POU2F3: variants seen among roughly 807,000 people sequenced by gnomAD.
POU2F3 encodes POU class 2 homeobox 3, also known as POU domain, class 2, transcription factor 3.
In POU2F3, 23 loss-of-function variants were observed where a neutral mutation model predicts 59.2. The ratio of observed to expected loss-of-function variants is 0.39; its 90% CI spans 0.28 to 0.55. POU2F3 has a LOEUF of 0.55. Ranked by LOEUF, POU2F3 falls within the 20% of genes least tolerant of loss-of-function variation. The pLI is 0.66. For missense variants in POU2F3, 473 were observed against 544.5 expected (o/e 0.87, Z 1.31); for synonymous variants, 190 against 214.6 (o/e 0.89, Z 1.00).
chr11:120,305,558 G>T, intron 7 of POU2F3, 86 bp from the exon 8 acceptor site: 1 of 1,539,110 alleles, frequency 6.5e-7, no homozygotes, highest in Non-Finnish European at 8.8e-7. Flanking sequence ...CTGGCTGTGT[G>T]ATCGATGCTA....
upstream of POU2F3, among the ~76,000 whole-genome samples, chr11:120,239,560 G>A (rs1392478914): frequency 1.3e-5 from 2 of 152,194 alleles, no homozygotes; most frequent in African/African-American, 2.4e-5. Context: ...TGGAAACTCT[G>A]CTAATAATAA....
intron 10 of POU2F3, among the ~76,000 whole-genome samples, chr11:120,314,564 A>G (rs1941733466): frequency 6.6e-6 from 1 of 152,228 alleles, no homozygotes; most frequent in Admixed American, 6.5e-5. Flanking sequence ...CTGCTATTTT[A>G]CAGATGAGAA....
At chr11:120,291,669 G>T (rs895107937) in intron 3 of POU2F3, among the ~76,000 whole-genome samples, 2 of 152,168 alleles carry the variant, frequency 1.3e-5, no homozygotes, top group East Asian at 3.8e-4. Flanking sequence ...TACCAGCAGT[G>T]TGGCTTTATG....
chr11:120,312,279 ACACC>A (rs1397519554), intron 10 of POU2F3, among the ~76,000 whole-genome samples: 4 of 151,886 alleles, frequency 2.6e-5, no homozygotes, highest in African/African-American at 9.7e-5. Flanking sequence ...ACCCACCATC[ACACC>A]TGGCTAATTT....
At chr11:120,298,803 G>A (rs184439936) in intron 4 of POU2F3, among the ~76,000 whole-genome samples, 100 of 152,292 alleles carry the variant, frequency 6.6e-4, no homozygotes, top group African/African-American at 2.0e-3. Flanking sequence ...AGAAAGAGGC[G>A]TCTGAGATAG....
chr11:120,308,140 C>T (rs950054281), intron 9 of POU2F3, among the ~76,000 whole-genome samples: 4 of 152,326 alleles, frequency 2.6e-5, no homozygotes, highest in Admixed American at 1.3e-4. Flanking sequence ...CATTTAGATA[C>T]TTGTGATCGT....
chr11:120,238,735 G>C (rs868103319), upstream of POU2F3, among the ~76,000 whole-genome samples: 42 of 149,138 alleles, frequency 2.8e-4, no homozygotes, highest in Middle Eastern at 3.5e-3. Context: ...TCAGGAGGCT[G>C]AGGAGAATCG....
At chr11:120,238,744 C>A (rs1169638372), upstream of POU2F3, among the ~76,000 whole-genome samples, 1 of 144,642 alleles carries the variant, frequency 6.9e-6, no homozygotes, top group African/African-American at 2.6e-5. Flanking sequence ...TGAGGAGAAT[C>A]GCTTGAACCC....
intron 3 of POU2F3, among the ~76,000 whole-genome samples, chr11:120,274,193 T>C (rs1940226877): frequency 6.6e-6 from 1 of 151,860 alleles, no homozygotes; most frequent in African/African-American, 2.4e-5. Context: ...TGCCTGGCTG[T>C]GAATCCTAGC....
At chr11:120,305,250 G>A (rs368073307) in intron 7 of POU2F3, 38 bp downstream of exon 7, 114 of 1,596,052 alleles carry the variant, frequency 7.1e-5, no homozygotes, top group Non-Finnish European at 8.8e-5. Flanking sequence ...AAGTCTAGCC[G>A]AGCGGCTGGA....
chr11:120,262,537 C>T (rs1327082976), intron 2 of POU2F3, among the ~76,000 whole-genome samples: 1 of 152,226 alleles, frequency 6.6e-6, no homozygotes, highest in Non-Finnish European at 1.5e-5. Flanking sequence ...AGACATTTTC[C>T]TTCTTAAGCA....
intron 2 of POU2F3, among the ~76,000 whole-genome samples, chr11:120,268,978 G>T (rs548987309): frequency 6.6e-6 from 1 of 152,170 alleles, no homozygotes; most frequent in South Asian, 2.1e-4. Context: ...GACCTCAGAC[G>T]ATTCAGCCTC....
At chr11:120,268,636 C>T (rs1939935673) in intron 2 of POU2F3, among the ~76,000 whole-genome samples, 1 of 152,200 alleles carries the variant, frequency 6.6e-6, no homozygotes, top group Non-Finnish European at 1.5e-5. Flanking sequence ...GCCACCGTTT[C>T]CAGCCACCAA....
chr11:120,283,896 G>A (rs1048707895), intron 3 of POU2F3, among the ~76,000 whole-genome samples: 1 of 151,724 alleles, frequency 6.6e-6, no homozygotes. Context: ...GTGCCTGTGC[G>A]GTTCAGTTAC....
At position 120,318,477 on chromosome 11, in the gene POU2F3, C is replaced by A; in HGVS notation, c.*85C>A. On this transcript the variant is annotated 3_prime_UTR_variant, in exon 13 of 13. Transcript: ENST00000543440. ...ATGCCTTCTATATACAGACAGATTG[C>A]CTTCAGAAGAGTGGAAGAAAATCTC... 1.5e-6 allele frequency: 2 copies of A among 1,363,824 alleles called. No homozygotes were observed. The highest frequency in any genetic ancestry group is 2.1e-6 in the Non-Finnish European group (2 of 959,500). 84.5% of individuals were successfully genotyped at this position (1,363,824 alleles called of 1,614,324 possible).
chr11:120,248,281 A>G (rs1475241563), intron 2 of POU2F3, among the ~76,000 whole-genome samples: 1 of 152,140 alleles, frequency 6.6e-6, no homozygotes, highest in Non-Finnish European at 1.5e-5. Flanking sequence ...AAGAGTATGG[A>G]TCTAGAATCA....
intron 2 of POU2F3, chr11:120,256,782 C>T (rs1939360651): frequency 6.6e-6 from 1 of 152,224 alleles, no homozygotes; most frequent in Admixed American, 6.5e-5. Context: ...TTCACGGAGA[C>T]TAGATGTTGT....
chr11:120,282,098 G>A (rs1036408806), intron 3 of POU2F3, among the ~76,000 whole-genome samples: 5 of 152,086 alleles, frequency 3.3e-5, no homozygotes, highest in Admixed American at 2.0e-4. Context: ...TGGTTCCTCC[G>A]TTTCCAGATG....
intron 3 of POU2F3, among the ~76,000 whole-genome samples, chr11:120,282,358 G>T (rs1278726440): frequency 6.6e-6 from 1 of 152,204 alleles, no homozygotes; most frequent in Non-Finnish European, 1.5e-5. Context: ...GAGAATCTGT[G>T]TTTAAAGAAA....
Sources: allele counts gnomAD v4.1 joint callset (sites outside exome capture counted in the v4.1 genomes callset), GRCh38; gene constraint gnomAD v4.1.1; transcripts MANE v1.5; gene names NCBI Gene and HGNC (gene_info 2026-07-23, HGNC 2026-07-21).